PTPRQ: variants seen among roughly 807,000 people sequenced by gnomAD.
PTPRQ encodes the protein protein tyrosine phosphatase receptor type Q, also known as phosphatidylinositol phosphatase PTPRQ.
PTPRQ carries 199 observed loss-of-function variants against 246.0 expected under a neutral mutation model. The ratio of observed to expected loss-of-function variants is 0.81; its 90% CI spans 0.72 to 0.91. The LOEUF (loss-of-function observed/expected upper bound fraction) is 0.91. Ranked by LOEUF, PTPRQ falls within the 40% of genes least tolerant of loss-of-function variation. The pLI is 0.00. For missense variants in PTPRQ, 2,624 were observed against 2,528.4 expected (o/e 1.04, Z -0.81); for synonymous variants, 869 against 853.2 (o/e 1.02, Z -0.32).
chr12:80,477,173 T>G (rs1000130037), intron 8 of PTPRQ, among the ~76,000 whole-genome samples: 1 of 152,130 alleles, frequency 6.6e-6, no homozygotes, highest in Non-Finnish European at 1.5e-5. Context: ...TTGCAATGAG[T>G]GAGGGCACCT....
chr12:80,653,840 G>C (rs1900334896), intron 38 of PTPRQ, among the ~76,000 whole-genome samples: 1 of 152,152 alleles, frequency 6.6e-6, no homozygotes, highest in African/African-American at 2.4e-5. Context: ...ATAGGAAGTA[G>C]TAATCTACTA....
intron 33 of PTPRQ, among the ~76,000 whole-genome samples, chr12:80,623,380 C>A (rs1899070021): frequency 6.6e-6 from 1 of 152,126 alleles, no homozygotes; most frequent in Admixed American, 6.6e-5. Context: ...TAATTTTATA[C>A]AAATCATTGG....
At chr12:80,656,204 T>C (rs1900428970) in intron 38 of PTPRQ, among the ~76,000 whole-genome samples, 2 of 152,296 alleles carry the variant, frequency 1.3e-5, no homozygotes, top group South Asian at 2.1e-4. Context: ...CATAACCACA[T>C]TGGGCAAGTA....
chr12:80,641,922 TC>T (rs557947361), intron 35 of PTPRQ, among the ~76,000 whole-genome samples: 122 of 151,438 alleles, frequency 8.1e-4, no homozygotes, highest in African/African-American at 2.9e-3. Context: ...TCTCCCTCCT[TC>T]CCTCTCTCTC....
Position 80,635,041 on chromosome 12 carries a change from A to G in PTPRQ, c.5883A>G (p.Ala1961=). 6.4e-7 allele frequency: 1 copy of G among 1,551,310 alleles called. No homozygotes were observed. The highest frequency in any genetic ancestry group is 1.2e-5 in the South Asian group (1 of 83,988). The change falls in exon 35 of 45, where the codon GCA becomes GCG. Residue 1961 remains alanine, a synonymous_variant. Coordinates refer to ENST00000644991, the MANE Select transcript of PTPRQ (RefSeq NM_001145026.2). ...KLKLDQLITV[A]DLELKDERLT... is the part of the protein sequence containing the mutation. ...AGCTGGATCAGCTCATCACAGTGGC[A>G]GACCTGGAACTGAAGGACGAGAGAT...
intron 33 of PTPRQ, among the ~76,000 whole-genome samples, 164 bp from the exon 34 acceptor site, chr12:80,632,028 A>C (rs2121168551): frequency 6.6e-6 from 1 of 152,302 alleles, no homozygotes; most frequent in East Asian, 1.9e-4. Context: ...TGAGCCCCAA[A>C]GTTAAAAAAT....
Position 80,495,383 on chromosome 12 carries a change from T to C in PTPRQ, c.1882+12T>C. On this transcript the variant is annotated intron_variant, in intron 12 of 44. Transcript: ENST00000644991. ...CTTTCTCATAACAGGTAGAAAACAATGTTTTGTTGTTGTTGTTGTTGTTCA... is the reference window on the plus strand; with the variant it reads ...CTTTCTCATAACAGGTAGAAAACAACGTTTTGTTGTTGTTGTTGTTGTTCA... The C allele has an allele frequency of 1.4e-6, 2 of 1,407,776 alleles. No homozygotes were observed. The highest frequency in any genetic ancestry group is 2.5e-5 in the East Asian group (1 of 39,368). The allele number at this position is 1,407,776 out of a possible 1,614,324, so 87.2% of individuals were successfully genotyped here.
At chr12:80,505,461 T>C (rs992964822) in intron 14 of PTPRQ, among the ~76,000 whole-genome samples, 1 of 151,912 alleles carries the variant, frequency 6.6e-6, no homozygotes, top group Non-Finnish European at 1.5e-5. Context: ...CAAATATACA[T>C]AGAAAACCAT....
intron 35 of PTPRQ, among the ~76,000 whole-genome samples, chr12:80,640,977 T>C (rs1226941328): frequency 6.6e-6 from 1 of 152,194 alleles, no homozygotes; most frequent in Non-Finnish European, 1.5e-5. Context: ...GAGCTCTACA[T>C]CTGATGGGTG....
At position 80,454,919 on chromosome 12, in the gene PTPRQ, G is replaced by A. The variant is rs547517763; in HGVS notation, c.391-2656G>A. Among the ~76,000 whole-genome samples, 11 of 152,342 alleles carry A rather than the reference G, an allele frequency of 7.2e-5. No homozygotes were observed. The South Asian group carries it at 1.7e-3, about 23-fold the overall frequency. On this transcript the variant is annotated intron_variant, in intron 3 of 44. Coordinates refer to ENST00000644991, the MANE Select transcript of PTPRQ (RefSeq NM_001145026.2). ...CGGCTGGGTGCAGTGCCTCATGCCTGTAATCCCAGCACTTTGGGAGGCCGA... is the reference window on the plus strand; with the variant it reads ...CGGCTGGGTGCAGTGCCTCATGCCTATAATCCCAGCACTTTGGGAGGCCGA...
intron 25 of PTPRQ, among the ~76,000 whole-genome samples, chr12:80,582,003 T>A (rs1464552643): frequency 5.3e-5 from 8 of 152,170 alleles, no homozygotes; most frequent in African/African-American, 1.9e-4. Context: ...TGTCTACCAA[T>A]GCTACAAATA....
At chr12:80,562,452 G>A (rs908577104) in intron 25 of PTPRQ, among the ~76,000 whole-genome samples, 1 of 152,068 alleles carries the variant, frequency 6.6e-6, no homozygotes, top group Non-Finnish European at 1.5e-5. Flanking sequence ...TATGCTCTCA[G>A]GATGCAAAGT....
chr12:80,648,804 A>G (rs1785406011), intron 35 of PTPRQ, 93 bp from the exon 36 acceptor site: 1 of 1,156,536 alleles, frequency 8.6e-7, no homozygotes, highest in Non-Finnish European at 1.2e-6. Flanking sequence ...TACATTATTG[A>G]TTTATTATAA....
intron 8 of PTPRQ, among the ~76,000 whole-genome samples, chr12:80,477,490 CCTTA>C (rs1167774786): frequency 1.3e-5 from 2 of 152,122 alleles, no homozygotes; most frequent in African/African-American, 2.4e-5. Context: ...TTATTCTGCT[CCTTA>C]CTTACATTTC....
chr12:80,494,872 A>G, intron 10 of PTPRQ, 61 bp from the exon 11 acceptor site: 2 of 1,473,178 alleles, frequency 1.4e-6, no homozygotes, highest in Admixed American at 2.8e-5. Context: ...TAAGAAAAAA[A>G]TAATTTTGAT....
intron 35 of PTPRQ, among the ~76,000 whole-genome samples, chr12:80,643,787 A>G (rs1899975322): frequency 6.6e-6 from 1 of 152,210 alleles, no homozygotes; most frequent in African/African-American, 2.4e-5. Flanking sequence ...TGAAATATAT[A>G]AACTAAAAAC....
chr12:80,485,164 T>G (rs562447519), intron 9 of PTPRQ, among the ~76,000 whole-genome samples: 1 of 152,176 alleles, frequency 6.6e-6, no homozygotes, highest in Non-Finnish European at 1.5e-5. Context: ...CTTTAGGCAA[T>G]GTGTTTGCTT....
intron 14 of PTPRQ, among the ~76,000 whole-genome samples, chr12:80,499,740 C>A (rs141067812): frequency 5.3e-5 from 8 of 151,556 alleles, no homozygotes; most frequent in African/African-American, 1.9e-4. Flanking sequence ...TGTGTTCAAG[C>A]AGGAAAGATC....
chr12:80,620,970 A>C (rs1400264725), intron 32 of PTPRQ, among the ~76,000 whole-genome samples: 1 of 151,834 alleles, frequency 6.6e-6, no homozygotes, highest in Admixed American at 6.6e-5. Flanking sequence ...CTTCCTTTTG[A>C]ATTGATTATG....
Sources: gnomAD v4.1 joint callset for allele counts (sites outside exome capture counted in the v4.1 genomes callset) on GRCh38, gnomAD v4.1.1 for gene constraint, MANE v1.5 for transcripts, NCBI Gene and HGNC (gene_info 2026-07-23, HGNC 2026-07-21) for gene names.